GRXCR2: variants seen among roughly 807,000 people sequenced by gnomAD.
GRXCR2 encodes the protein glutaredoxin domain-containing cysteine-rich protein 2.
In GRXCR2, 23 loss-of-function variants were observed where a neutral mutation model predicts 24.8. That is an observed-to-expected ratio of 0.93 (90% CI 0.67 to 1.32). The LOEUF is 1.32. GRXCR2 is among the 40% of genes most tolerant of loss of function. The pLI is 0.00. For synonymous variants in GRXCR2, 130 were observed against 116.1 expected (o/e 1.12, Z -0.77); for missense variants, 315 against 303.4 (o/e 1.04, Z -0.28).
intron 2 of GRXCR2, among the ~76,000 whole-genome samples, chr5:145,903,670 T>A (rs1218871845): frequency 1.3e-5 from 2 of 152,122 alleles, no homozygotes; most frequent in Non-Finnish European, 2.9e-5. Context: ...GAATTCTGTA[T>A]CAGGATGAAC....
At chr5:145,887,753 T>C (rs1400351914) in intron 2 of GRXCR2, among the ~76,000 whole-genome samples, 1 of 152,214 alleles carries the variant, frequency 6.6e-6, no homozygotes, top group African/African-American at 2.4e-5. Flanking sequence ...ATTTTGTACT[T>C]TGTCTTGTTC....
intron 1 of GRXCR2, among the ~76,000 whole-genome samples, chr5:145,868,373 A>G (rs1009760301): frequency 4.6e-5 from 7 of 152,190 alleles, no homozygotes; most frequent in Non-Finnish European, 8.8e-5. Context: ...GGCTTGAGCA[A>G]GACTTCAATA....
chr5:145,863,981 A>G (rs1756385538), intron 2 of GRXCR2, among the ~76,000 whole-genome samples: 1 of 152,236 alleles, frequency 6.6e-6, no homozygotes, highest in Non-Finnish European at 1.5e-5. Context: ...CAGCATAAAC[A>G]TGGCCAGGCC....
intron 2 of GRXCR2, among the ~76,000 whole-genome samples, chr5:145,906,348 T>TAA (rs1206314484): frequency 6.9e-6 from 1 of 144,776 alleles, no homozygotes; most frequent in Non-Finnish European, 1.5e-5. Flanking sequence ...GGGAAAATGT[T>TAA]AAAAAAAAAA....
At chr5:145,921,377 T>G (rs1273805202) in intron 2 of GRXCR2, among the ~76,000 whole-genome samples, 2 of 152,138 alleles carry the variant, frequency 1.3e-5, no homozygotes, top group Admixed American at 6.5e-5. Flanking sequence ...AAAATCCACC[T>G]CTACAGCAAT....
chr5:145,925,033 T>A (rs1561693012), intron 2 of GRXCR2, among the ~76,000 whole-genome samples: 1 of 152,196 alleles, frequency 6.6e-6, no homozygotes, highest in South Asian at 2.1e-4. Flanking sequence ...TAACCTTTAC[T>A]GAGCACTTAC....
chr5:145,901,349 T>C (rs1414373904), intron 2 of GRXCR2, among the ~76,000 whole-genome samples: 2 of 152,134 alleles, frequency 1.3e-5, no homozygotes, highest in East Asian at 3.8e-4. Context: ...TTAATATATA[T>C]AGAACTCCTT....
At chr5:145,882,193 T>C (rs1445499826) in intron 2 of GRXCR2, among the ~76,000 whole-genome samples, 1 of 152,022 alleles carries the variant, frequency 6.6e-6, no homozygotes, top group Non-Finnish European at 1.5e-5. Context: ...ACTAAAGAGC[T>C]CCTGCACGGC....
intron 2 of GRXCR2, among the ~76,000 whole-genome samples, chr5:145,928,915 T>C (rs1435208393): frequency 6.6e-6 from 1 of 151,542 alleles, no homozygotes; most frequent in African/African-American, 2.4e-5. Context: ...AAAAAAAAAG[T>C]ATTACACTAG....
chr5:145,927,268 G>A (rs1204027783), intron 2 of GRXCR2, among the ~76,000 whole-genome samples: 3 of 152,160 alleles, frequency 2.0e-5, no homozygotes, highest in Non-Finnish European at 2.9e-5. Context: ...ACACTATGTT[G>A]AATAGGAGTG....
chr5:145,894,012 A>G (rs1581345065), intron 2 of GRXCR2, among the ~76,000 whole-genome samples: 1 of 152,244 alleles, frequency 6.6e-6, no homozygotes, highest in African/African-American at 2.4e-5. Context: ...TGGAAACTGA[A>G]CAATCTGCTC....
chr5:145,889,582 T>C (rs1255371980), intron 2 of GRXCR2, among the ~76,000 whole-genome samples: 2 of 152,110 alleles, frequency 1.3e-5, no homozygotes, highest in African/African-American at 4.8e-5. Context: ...AATCTACCCA[T>C]AGAAAAATAA....
rs193172214 is a variant in GRXCR2, at chr5:145,887,993, G to A, written c.-69-21265C>T. On this transcript the variant is annotated intron_variant, in intron 2 of 3. Coordinates refer to the GRXCR2 transcript ENST00000639411. ...TTATTTCTCTTTATATTAGAGCAAG[G>A]GCATTATATTGGTTTTTTAAAGTTA... is the stretch of plus-strand genomic sequence containing the variant. 4.0e-3 allele frequency among the ~76,000 whole-genome samples: 606 copies of A among 152,126 alleles called. 4 individuals carry two copies. Among genetic ancestry groups the A allele is most frequent in the African/African-American group, 0.014 (585 of 41,472 alleles).
chr5:145,900,520 A>C (rs419795), intron 2 of GRXCR2, among the ~76,000 whole-genome samples: 14,289 of 152,176 alleles, frequency 0.094, 1,622 homozygotes, highest in African/African-American at 0.27. Context: ...TACAAGCAGC[A>C]AGCAAACATG....
In GRXCR2 at chr5:145,890,917, A is replaced by G. The variant is rs1394628428; in HGVS notation, c.-69-24189T>C. On this transcript the variant is annotated intron_variant, in intron 2 of 3. Coordinates refer to the GRXCR2 transcript ENST00000639411. ...AATGACACCCATAGGCTCAAAATAA[A>G]GGGCTGAGAAAAGATCTGCCACACA... 1.3e-5 allele frequency among the ~76,000 whole-genome samples: 2 copies of G among 152,168 alleles called. 1 individual carries two copies. The highest frequency in any genetic ancestry group is 4.8e-5 in the African/African-American group (2 of 41,428).
chr5:145,891,081 T>C (rs1220094557), intron 2 of GRXCR2, among the ~76,000 whole-genome samples: 2 of 152,100 alleles, frequency 1.3e-5, no homozygotes, highest in Non-Finnish European at 1.5e-5. Context: ...CATAAATATA[T>C]ACACACCCAA....
intron 2 of GRXCR2, among the ~76,000 whole-genome samples, chr5:145,927,135 C>T (rs916294135): frequency 2.0e-5 from 3 of 152,152 alleles, no homozygotes; most frequent in Non-Finnish European, 2.9e-5. Flanking sequence ...TGAGCTGAGA[C>T]GATGGGGTTT....
intron 2 of GRXCR2, among the ~76,000 whole-genome samples, chr5:145,929,223 A>ATC (rs1554107340): frequency 7.0e-6 from 1 of 142,900 alleles, no homozygotes; most frequent in African/African-American, 2.6e-5. Flanking sequence ...ATATATATAT[A>ATC]TCACCATTTA....
At chr5:145,884,547 AATTT>A (rs1488509675) in intron 2 of GRXCR2, among the ~76,000 whole-genome samples, 1 of 152,194 alleles carries the variant, frequency 6.6e-6, no homozygotes, top group Non-Finnish European at 1.5e-5. Context: ...CTATGTCTGT[AATTT>A]ATTATTAAAA....
Sources: allele counts gnomAD v4.1 joint callset (sites outside exome capture counted in the v4.1 genomes callset), GRCh38; gene constraint gnomAD v4.1.1; transcripts MANE v1.5; gene names NCBI Gene and HGNC (gene_info 2026-07-23, HGNC 2026-07-21).